The following MYO9B variants were observed in gnomAD, a reference collection of about 807,000 sequenced individuals.
The protein encoded by MYO9B is myosin IXB.
In MYO9B, 71 loss-of-function variants were observed where a neutral mutation model predicts 229.5. The ratio of observed to expected loss-of-function variants is 0.31; its 90% CI spans 0.26 to 0.38. The LOEUF (loss-of-function observed/expected upper bound fraction) is 0.38. Among genes scored for constraint, MYO9B ranks in the 10% least tolerant of loss-of-function variants. The pLI is 1.00. For missense variants in MYO9B, 2,255 were observed against 2,920.5 expected, an observed-to-expected ratio of 0.77 and a Z score of 5.25; for synonymous variants, 1,185 against 1,235.8, an observed-to-expected ratio of 0.96 and a Z score of 0.86.
At position 17,157,284 on chromosome 19, in the gene MYO9B, C is replaced by T. The variant is rs112609159; in HGVS notation, c.1329+246C>T. ...AAAACTACAGCTCAGGGGCCGGGTG[C>T]GGTGTCTCACCTGTAATCCCAGTAC... is the stretch of plus-strand genomic sequence containing the variant. On this transcript the variant is annotated intron_variant, in intron 7 of 39. Transcript: ENST00000682292. The T allele has an allele frequency of 1.7e-3, 691 of 413,520 alleles. 21 individuals carry two copies. In the East Asian group the frequency reaches 0.031, roughly 18 times the overall value. 25.6% of individuals were successfully genotyped at this position (413,520 alleles called of 1,614,324 possible). A position where few individuals can be genotyped will look rare whatever the true frequency, so the allele number is the denominator to read the frequency against.
intron 18 of MYO9B, 95 bp downstream of exon 18, chr19:17,186,096 TG>T: frequency 9.1e-7 from 1 of 1,101,580 alleles, no homozygotes; most frequent in South Asian, 1.3e-5. Context: ...CCACGCAGTA[TG>T]GGGGACGGTG....
chr19:17,206,225 G>GGGGGGCGCCCCCCCCCCCCCC, intron 32 of MYO9B, 23 bp from the exon 33 acceptor site: 1 of 1,564,672 alleles, frequency 6.4e-7, no homozygotes, highest in Non-Finnish European at 8.7e-7. Context: ...CCGCTCACCA[G>GGGGGGCGCCCCCCCCCCCCCC]ACCCACCCCA....
intron 2 of MYO9B, among the ~76,000 whole-genome samples, chr19:17,140,804 A>G (rs902623779): frequency 6.8e-6 from 1 of 147,784 alleles, no homozygotes; most frequent in Non-Finnish European, 1.5e-5. Flanking sequence ...AGATTTCAAC[A>G]TATAAAGTTT....
At position 17,191,128 on chromosome 19, in the gene MYO9B, C is replaced by G. The variant is rs1410565751; in HGVS notation, c.2720C>G (p.Pro907Arg). The change falls in exon 20 of 40, where the codon CCC becomes CGC. Residue 907 changes from proline to arginine, a missense_variant. This residue lies in a region of MYO9B where 679 missense variants were observed against 770.2 expected (regional missense o/e 0.88). Coordinates refer to ENST00000682292, the MANE Select transcript of MYO9B (RefSeq NM_004145.4). ...ACCGAGCAGTTCCAGGTGCTCCTGCCCAAGGATGCCCAGCCCTGCAGGGAG... is the reference window on the plus strand; with the variant it reads ...ACCGAGCAGTTCCAGGTGCTCCTGCGCAAGGATGCCCAGCCCTGCAGGGAG... ...DFTEQFQVLLPKDAQPCREVI... is the reference protein window; with the variant it reads ...DFTEQFQVLLRKDAQPCREVI... The G allele has an allele frequency of 5.6e-6, 9 of 1,612,726 alleles. No homozygotes were observed. Among genetic ancestry groups the G allele is most frequent in the Non-Finnish European group, 7.6e-6 (9 of 1,179,336 alleles).
rs772301290 is a variant in MYO9B, at chr19:17,209,743, T to C, written c.5748+34T>C. 4.3e-6 allele frequency: 7 copies of C among 1,609,794 alleles called. No individual in the cohort carries two copies. In the South Asian group the frequency reaches 7.7e-5, roughly 18 times the overall value. ...CGGTGATCGTGGGGGCGGGACCTCT[T>C]TGGTGGGGCGGAGCCTGGTGCTGGG... On this transcript the variant is annotated intron_variant, in intron 36 of 39. Transcript: ENST00000682292.
chr19:17,211,969 C>G lies in MYO9B; in HGVS notation c.6133C>G (p.Arg2045Gly), dbSNP rs1396260553. The change falls in exon 40 of 40, where the codon CGA (arginine) becomes GGA (glycine). Residue 2045 changes from arginine (R) to glycine (G), a missense_variant. Coordinates refer to ENST00000682292, the MANE Select transcript of MYO9B (RefSeq NM_004145.4). ...CCTCCCCACCGTGGCCGCCCCTCCA[C>G]GACGAAGGCCGTCGTCCTTCGTAAC... ...SPLPTVAAPPRRRPSSFVTVR... is the reference protein window; with the variant it reads ...SPLPTVAAPPGRRPSSFVTVR... 80 of 1,578,888 alleles carry G rather than the reference C, an allele frequency of 5.1e-5. No homozygotes were observed. Among genetic ancestry groups the G allele is most frequent in the Non-Finnish European group, 6.5e-5 (76 of 1,163,992 alleles).
intron 2 of MYO9B, among the ~76,000 whole-genome samples, chr19:17,109,531 G>A (rs8108205): frequency 0.14 from 21,118 of 152,204 alleles, 1,743 homozygotes; most frequent in Non-Finnish European, 0.19. Flanking sequence ...TTCCTGAGGT[G>A]TCTATAACAA....
rs538357739 is a variant in MYO9B, at chr19:17,076,068, G to A, written c.-59+194G>A. Among the ~76,000 whole-genome samples the A allele has an allele frequency of 2.0e-4, 31 of 151,436 alleles. 1 individual carries two copies. In the South Asian group the frequency reaches 6.5e-3, roughly 32 times the overall value. The stretch of plus-strand genomic sequence containing the variant: ...CGAGACGGTGAAGGAGAAAGTGGAT[G>A]GGGATGGAGCTGGTGAGGGAGTTCG... On this transcript the variant is annotated intron_variant, in intron 1 of 39. Transcript: ENST00000682292.
intron 2 of MYO9B, 36 bp downstream of exon 2, chr19:17,102,593 C>G: frequency 6.6e-7 from 1 of 1,507,862 alleles, no homozygotes; most frequent in Non-Finnish European, 8.9e-7. Context: ...TGGGAGGGGG[C>G]ATTTGTTTGG....
intron 3 of MYO9B, among the ~76,000 whole-genome samples, chr19:17,147,741 A>C (rs188669835): frequency 7.8e-5 from 10 of 128,428 alleles, no homozygotes; most frequent in Admixed American, 4.5e-4. Flanking sequence ...GCTGGAGTAC[A>C]ATGGCGTGAT....
At chr19:17,171,021 T>A (rs2072719187) in intron 11 of MYO9B, among the ~76,000 whole-genome samples, 2 of 152,068 alleles carry the variant, frequency 1.3e-5, no homozygotes, top group Non-Finnish European at 2.9e-5. Context: ...TGATTTAGAT[T>A]TTCTGAAATA....
chr19:17,173,041 A>G, intron 13 of MYO9B, 78 bp downstream of exon 13: 2 of 1,482,214 alleles, frequency 1.3e-6, no homozygotes, highest in Admixed American at 3.8e-5. Context: ...TAAAGTGAAC[A>G]CTTCAGTGGC....
intron 27 of MYO9B, 27 bp downstream of exon 27, chr19:17,202,051 T>C: frequency 6.2e-7 from 1 of 1,611,094 alleles, no homozygotes; most frequent in Non-Finnish European, 8.5e-7. Context: ...CCTTCAGCCT[T>C]TCCCATACCC....
chr19:17,137,688 G>A (rs1224345152), intron 2 of MYO9B, among the ~76,000 whole-genome samples: 1 of 152,148 alleles, frequency 6.6e-6, no homozygotes, highest in Non-Finnish European at 1.5e-5. Flanking sequence ...CTCTGCCCGA[G>A]GCTTTGCAGC....
intron 1 of MYO9B, among the ~76,000 whole-genome samples, chr19:17,099,902 G>A (rs142984375): frequency 4.6e-5 from 7 of 151,472 alleles, no homozygotes; most frequent in East Asian, 1.9e-4. Context: ...TGGATCACCT[G>A]AGGTCAGGAG....
At chr19:17,124,853 C>G (rs2058000443) in intron 2 of MYO9B, among the ~76,000 whole-genome samples, 1 of 151,420 alleles carries the variant, frequency 6.6e-6, no homozygotes, top group African/African-American at 2.4e-5. Context: ...AATCCATGGG[C>G]TATATTTAAA....
intron 2 of MYO9B, among the ~76,000 whole-genome samples, chr19:17,136,530 G>A (rs570359683): frequency 6.6e-6 from 1 of 152,240 alleles, no homozygotes; most frequent in South Asian, 2.1e-4. Flanking sequence ...ATTTCTGTCT[G>A]TGTACATCAA....
chr19:17,195,882 GAAT>G lies in MYO9B; in HGVS notation c.4046+410_4046+412del. 6.6e-6 allele frequency among the ~76,000 whole-genome samples: 1 copy of G among 151,978 alleles called. No homozygotes were observed. The highest frequency in any genetic ancestry group is 1.5e-5 in the Non-Finnish European group (1 of 68,006). ...TAGTAAGCCAAGTGTCAGTGACTTG[GAAT>G]CTCCAGCTCCCTCTTCCAGAGGGCC... On this transcript the variant is annotated intron_variant, in intron 22 of 39. Coordinates refer to ENST00000682292, the MANE Select transcript of MYO9B (RefSeq NM_004145.4). The surrounding 1 kb of genome is among the most constrained non-coding windows in gnomAD (Gnocchi z 4.5).
At chr19:17,138,853 C>A (rs2145205495) in intron 2 of MYO9B, among the ~76,000 whole-genome samples, 1 of 152,224 alleles carries the variant, frequency 6.6e-6, no homozygotes, top group East Asian at 1.9e-4. Context: ...TAATATGTAA[C>A]CACTAATAGG....
Sources: allele counts gnomAD v4.1 joint callset (sites outside exome capture counted in the v4.1 genomes callset), GRCh38; gene constraint gnomAD v4.1.1; regional missense constraint gnomAD v4.1.1; non-coding constraint Gnocchi (gnomAD v3.1); transcripts MANE v1.5; gene names NCBI Gene and HGNC (gene_info 2026-07-23, HGNC 2026-07-21).